The following PIK3C2G variants were observed in gnomAD, a reference collection of about 807,000 sequenced individuals.
PIK3C2G encodes phosphatidylinositol-4-phosphate 3-kinase catalytic subunit type 2 gamma.
PIK3C2G carries 168 observed loss-of-function variants against 181.1 expected under a neutral mutation model. The observed-to-expected ratio is 0.93, with a 90% CI of 0.82 to 1.05. The LOEUF (loss-of-function observed/expected upper bound fraction) is 1.05, where lower values mean the gene tolerates loss of function less well. Among genes scored for constraint, PIK3C2G ranks in the 50% least tolerant of loss-of-function variants. The probability of loss-of-function intolerance (pLI) is 0.00; values close to 1 mark genes in which losing one functional copy is unlikely to be tolerated. For missense variants in PIK3C2G, 1,869 were observed against 1,732.8 expected, an observed-to-expected ratio of 1.08 and a Z score of -1.40; for synonymous variants, 573 against 592.2, an observed-to-expected ratio of 0.97 and a Z score of 0.47.
chr12:18,407,731 C>G (rs557714494), intron 16 of PIK3C2G, among the ~76,000 whole-genome samples: 2 of 152,028 alleles, frequency 1.3e-5, no homozygotes, highest in African/African-American at 2.4e-5. Context: ...AAGTTATATT[C>G]GAGCTCAAAT....
intron 30 of PIK3C2G, among the ~76,000 whole-genome samples, chr12:18,602,223 T>G (rs2136545209): frequency 6.6e-6 from 1 of 152,208 alleles, no homozygotes; most frequent in African/African-American, 2.4e-5. Flanking sequence ...GCCATTCAGT[T>G]TGTGTGGGAG....
chr12:18,612,643 T>C (rs1948402275), intron 31 of PIK3C2G, among the ~76,000 whole-genome samples: 1 of 152,148 alleles, frequency 6.6e-6, no homozygotes, highest in Admixed American at 6.5e-5. Context: ...TAAAAATCCA[T>C]CTATAAATTC....
chr12:18,375,549 T>C (rs1942375501), intron 13 of PIK3C2G, among the ~76,000 whole-genome samples: 2 of 152,214 alleles, frequency 1.3e-5, no homozygotes, highest in African/African-American at 2.4e-5. Flanking sequence ...ATTTGCTGCC[T>C]GGCCATGTGG....
the PIK3C2G span, among the ~76,000 whole-genome samples, chr12:18,672,946 G>C: frequency 6.6e-6 from 1 of 152,168 alleles, no homozygotes; most frequent in African/African-American, 2.4e-5. Context: ...ACCAAGAACA[G>C]CTTTCAGGAA....
chr12:18,667,406 C>T, the PIK3C2G span, among the ~76,000 whole-genome samples: 1 of 152,148 alleles, frequency 6.6e-6, no homozygotes, highest in African/African-American at 2.4e-5. Flanking sequence ...TTACCTGTAT[C>T]TATCTGCTCT....
At chr12:18,418,187 A>G (rs1945286642) in intron 16 of PIK3C2G, among the ~76,000 whole-genome samples, 1 of 152,170 alleles carries the variant, frequency 6.6e-6, no homozygotes, top group Non-Finnish European at 1.5e-5. Flanking sequence ...AAATTCTAAT[A>G]CACACTGTCA....
Position 18,324,914 on chromosome 12 carries a change from T to C in PIK3C2G, c.1209-121T>C, listed in dbSNP as rs866967779. On this transcript the variant is annotated intron_variant, in intron 7 of 32. Coordinates refer to ENST00000538779, the MANE Select transcript of PIK3C2G (RefSeq NM_001288772.2). ...TTTAAAATTATGTCAACAATAATCC[T>C]TTTTATACCATGCCTACGATAGTAT... is the stretch of plus-strand genomic sequence containing the variant. 4.3e-5 allele frequency: 25 copies of C among 577,124 alleles called. No homozygotes were observed. The African/African-American group carries it at 4.4e-4, about 10-fold the overall frequency. The allele number at this position is 577,124 out of a possible 1,614,324, so 35.8% of individuals were successfully genotyped here. A position where few individuals can be genotyped will look rare whatever the true frequency, so the allele number is the denominator to read the frequency against.
At chr12:18,284,420 T>G (rs2137140682) in intron 2 of PIK3C2G, among the ~76,000 whole-genome samples, 1 of 151,952 alleles carries the variant, frequency 6.6e-6, no homozygotes, top group Non-Finnish European at 1.5e-5. Flanking sequence ...AAAAAAAAAC[T>G]TAACGATTCA....
chr12:18,494,792 C>G (rs1466877931), intron 20 of PIK3C2G, among the ~76,000 whole-genome samples: 3 of 152,102 alleles, frequency 2.0e-5, no homozygotes, highest in African/African-American at 7.2e-5. Flanking sequence ...AACAGAATTT[C>G]ATTGCTTAAC....
intron 17 of PIK3C2G, among the ~76,000 whole-genome samples, chr12:18,421,664 G>A (rs998562188): frequency 6.6e-6 from 1 of 151,906 alleles, no homozygotes; most frequent in East Asian, 1.9e-4. Flanking sequence ...AGAATAGAAG[G>A]TAAGTTGTTT....
At chr12:18,606,433 G>C (rs1476317546) in intron 30 of PIK3C2G, among the ~76,000 whole-genome samples, 1 of 151,972 alleles carries the variant, frequency 6.6e-6, no homozygotes, top group Admixed American at 6.6e-5. Flanking sequence ...GTCTTACTAA[G>C]AACTATCTCA....
intron 29 of PIK3C2G, among the ~76,000 whole-genome samples, chr12:18,572,366 T>C (rs1243324025): frequency 1.4e-5 from 2 of 148,024 alleles, no homozygotes; most frequent in African/African-American, 4.9e-5. Context: ...AAGCGATATA[T>C]ATAAAGCTAT....
At chr12:18,358,779 G>A in intron 11 of PIK3C2G, 2 of 326,762 alleles carry the variant, frequency 6.1e-6, no homozygotes, top group Non-Finnish European at 1.2e-5. Flanking sequence ...TAAAATGGGG[G>A]CTTTGGAAAA....
the PIK3C2G span, among the ~76,000 whole-genome samples, chr12:18,697,366 T>C: frequency 8.9e-4 from 136 of 152,174 alleles, no homozygotes; most frequent in African/African-American, 3.3e-3. Context: ...TGTGTATAAA[T>C]ACAGCATAGG....
chr12:18,301,002 T>A (rs1950151679), intron 5 of PIK3C2G, among the ~76,000 whole-genome samples: 1 of 152,132 alleles, frequency 6.6e-6, no homozygotes, highest in Non-Finnish European at 1.5e-5. Context: ...GTTTCTTTTT[T>A]TCTTTCTTTG....
chr12:18,290,809 C>G, intron 3 of PIK3C2G, 46 bp from the exon 4 acceptor site: 1 of 1,216,286 alleles, frequency 8.2e-7, no homozygotes, highest in South Asian at 1.3e-5. Context: ...TAAACTGTGT[C>G]TTGCAGGTCT....
the PIK3C2G span, among the ~76,000 whole-genome samples, chr12:18,726,177 G>A: frequency 3.9e-5 from 6 of 152,006 alleles, no homozygotes; most frequent in African/African-American, 1.5e-4. Context: ...GACTTAAGGA[G>A]GATAGGAAAA....
intron 16 of PIK3C2G, among the ~76,000 whole-genome samples, chr12:18,412,074 C>G (rs1944896748): frequency 6.6e-6 from 1 of 152,002 alleles, no homozygotes; most frequent in South Asian, 2.1e-4. Context: ...TTGCCTAAAT[C>G]CTCTGGATAT....
intron 18 of PIK3C2G, among the ~76,000 whole-genome samples, chr12:18,453,610 T>G (rs549278240): frequency 6.6e-6 from 1 of 152,240 alleles, no homozygotes; most frequent in East Asian, 1.9e-4. Context: ...CACTCATATC[T>G]TGAGGTTACT....
Sources: gnomAD v4.1 joint callset for allele counts (sites outside exome capture counted in the v4.1 genomes callset) on GRCh38, gnomAD v4.1.1 for gene constraint, MANE v1.5 for transcripts, NCBI Gene and HGNC (gene_info 2026-07-23, HGNC 2026-07-21) for gene names.